AQP6: variants seen among roughly 807,000 people sequenced by gnomAD.
AQP6 encodes the protein aquaporin 6.
A neutral mutation model predicts 16.3 loss-of-function variants in AQP6; 14 were observed. The ratio of observed to expected loss-of-function variants is 0.86; its 90% confidence interval spans 0.57 to 1.34. The LOEUF (loss-of-function observed/expected upper bound fraction) is 1.34, where lower values mean the gene tolerates loss of function less well. Among genes scored for constraint, AQP6 ranks in the 40% most tolerant of loss-of-function variants. The pLI is 0.00. For synonymous variants in AQP6, 178 were observed against 166.8 expected (o/e 1.07, Z -0.52); for missense variants, 331 against 379.7 (o/e 0.87, Z 1.07).
chr12:49,974,652 C>A, intron 2 of AQP6, 94 bp from the exon 3 acceptor site: 1 of 1,509,928 alleles, frequency 6.6e-7, no homozygotes. Flanking sequence ...GAGGCCGTGG[C>A]TGGGGCTAAG....
At position 49,974,729 on chromosome 12, in the gene AQP6, C is replaced by A; in HGVS notation, c.562-17C>A. The A allele has an allele frequency of 1.2e-6, 2 of 1,613,946 alleles. No individual in the cohort carries two copies. The highest frequency in any genetic ancestry group is 2.2e-5 in the South Asian group (2 of 91,082). ...CCTTAAACCTTCTCCCACCCTGACC[C>A]TGCACTTGCTCCCCAGATCCACTTC... is the stretch of plus-strand genomic sequence containing the variant. On this transcript the variant is annotated splice_polypyrimidine_tract_variant and intron_variant, in intron 2 of 3. Transcript: ENST00000315520.
chr12:49,974,354 G>A lies in AQP6; in HGVS notation c.433G>A (p.Val145Met), dbSNP rs1296287089. 6.2e-7 allele frequency: 1 copy of A among 1,600,472 alleles called. No individual in the cohort carries two copies. Among genetic ancestry groups the A allele is most frequent in the Non-Finnish European group, 8.5e-7 (1 of 1,171,228 alleles). Residue 145 changes from valine to methionine, a missense_variant, in exon 2 of 4, where the codon GTG (valine) becomes ATG (methionine). Transcript: ENST00000315520. The stretch of plus-strand genomic sequence containing the variant: ...GAACAGTGTCTCAACTGGCCAGGCG[G>A]TGGCAGTGGAGCTGCTTCTGACCCT... Reference protein sequence around the residue: ...VRNSVSTGQAVAVELLLTLQL... With the variant: ...VRNSVSTGQAMAVELLLTLQL...
Position 49,975,040 on chromosome 12 carries a change from G to A in AQP6, c.642+214G>A. ...CTGCAGCCTTGGCCCAGACTTTTAA[G>A]TCCTGGCTGTTTCCTTATTCACTTT... On this transcript the variant is annotated intron_variant, in intron 3 of 3. Transcript: ENST00000315520. The surrounding 1 kb of genome is among the most constrained non-coding windows in gnomAD (Gnocchi z 4.4). 7.2e-7 allele frequency: 1 copy of A among 1,382,810 alleles called. No individual in the cohort carries two copies. The highest frequency in any genetic ancestry group is 1.7e-5 in the South Asian group (1 of 57,258). 85.7% of individuals were successfully genotyped at this position (1,382,810 alleles called of 1,614,324 possible). A position where few individuals can be genotyped will look rare whatever the true frequency, so the allele number is the denominator to read the frequency against.
At chr12:49,974,565 T>C in intron 2 of AQP6, 83 bp downstream of exon 2, 2 of 1,486,216 alleles carry the variant, frequency 1.3e-6, no homozygotes, top group South Asian at 1.3e-5. Flanking sequence ...GGCCAGGCAG[T>C]GTCCCTCCCT....
In AQP6 at chr12:49,973,008, C is replaced by T. The variant is rs1410406094; in HGVS notation, c.-166C>T. The T allele has an allele frequency of 2.1e-6, 2 of 953,632 alleles. No individual in the cohort carries two copies. Among genetic ancestry groups the T allele is most frequent in the Non-Finnish European group, 3.0e-6 (2 of 659,510 alleles). 59.1% of individuals were successfully genotyped at this position (953,632 alleles called of 1,614,324 possible). On this transcript the variant is annotated 5_prime_UTR_variant, in exon 1 of 4. Coordinates refer to ENST00000315520, the MANE Select transcript of AQP6 (RefSeq NM_001652.4). ...AGTCTGACCAGCACAGTCCTGGGGA[C>T]AGGAGCGTGGTGGAGGAGCTGCAGG...
chr12:49,974,065 T>C, intron 1 of AQP6: 1 of 1,232,278 alleles, frequency 8.1e-7, no homozygotes, highest in Non-Finnish European at 1.0e-6. Flanking sequence ...GCTGCCAGTC[T>C]CCTCTCAAGC....
In AQP6 at chr12:49,975,322, C is replaced by G; in HGVS notation, c.643-143C>G. 1 of 1,444,496 alleles carries G rather than the reference C, an allele frequency of 6.9e-7. No individual in the cohort carries two copies. Among genetic ancestry groups the G allele is most frequent in the Non-Finnish European group, 9.0e-7 (1 of 1,106,550 alleles). The allele number at this position is 1,444,496 out of a possible 1,614,324, so 89.5% of individuals were successfully genotyped here. A position where few individuals can be genotyped will look rare whatever the true frequency, so the allele number is the denominator to read the frequency against. On this transcript the variant is annotated intron_variant, in intron 3 of 3. Transcript: ENST00000315520. The surrounding 1 kb of genome is among the most constrained non-coding windows in gnomAD (Gnocchi z 4.4). The stretch of plus-strand genomic sequence containing the variant: ...CCTTGTGGGCTTGGGAAACACGACT[C>G]GTGGTTCTCAAATTTAGCACCTTAC...
Position 49,975,423 on chromosome 12 carries a change from C to T in AQP6, c.643-42C>T. The T allele has an allele frequency of 6.5e-7, 1 of 1,547,532 alleles. No homozygotes were observed. Among genetic ancestry groups the T allele is most frequent in the Non-Finnish European group, 8.7e-7 (1 of 1,152,232 alleles). ...AGCGGTCCCAGAGCCACCCTGTGGT[C>T]CTGATAGCTCCTGGGTGGGGTGACG... On this transcript the variant is annotated intron_variant, in intron 3 of 3. Transcript: ENST00000315520. This position sits in a 1 kb window ranked among gnomAD's most constrained non-coding sequence, Gnocchi z 4.4.
chr12:49,974,278 C>T lies in AQP6; in HGVS notation c.403-46C>T, dbSNP rs370359325. Reference sequence around the variant, plus strand: ...AGTGGCAGGGGTTTCTCTGTCTGTCCGTGGGCAGAGCCCGCGTCTGGTCCA... The same window carrying T: ...AGTGGCAGGGGTTTCTCTGTCTGTCTGTGGGCAGAGCCCGCGTCTGGTCCA... On this transcript the variant is annotated intron_variant, in intron 1 of 3. Transcript: ENST00000315520. 126 of 1,483,068 alleles carry T rather than the reference C, an allele frequency of 8.5e-5. No individual in the cohort carries two copies. In the South Asian group the frequency reaches 1.2e-3, roughly 14 times the overall value. 91.9% of individuals were successfully genotyped at this position (1,483,068 alleles called of 1,614,324 possible). A position where few individuals can be genotyped will look rare whatever the true frequency, so the allele number is the denominator to read the frequency against.
intron 1 of AQP6, 95 bp downstream of exon 1, chr12:49,973,670 G>C: frequency 7.0e-7 from 1 of 1,437,544 alleles, no homozygotes; most frequent in African/African-American, 1.4e-5. Flanking sequence ...GAGCAAAGGA[G>C]GAAACAAGTC....
In AQP6 at chr12:49,974,430, G is replaced by T; in HGVS notation, c.509G>T (p.Gly170Val). Residue 170 changes from glycine (G) to valine (V), a missense_variant, in exon 2 of 4, where the codon GGC (glycine) becomes GTC (valine). Transcript: ENST00000315520. ...TCCACCGACAGCCGTCAGACATCAGGCTCCCCGGCCACCATGATTGGGATC... is the reference window on the plus strand; with the variant it reads ...TCCACCGACAGCCGTCAGACATCAGTCTCCCCGGCCACCATGATTGGGATC... ...FASTDSRQTSGSPATMIGISV... is the reference protein window; with the variant it reads ...FASTDSRQTSVSPATMIGISV... 1.2e-6 allele frequency: 2 copies of T among 1,613,584 alleles called. No individual in the cohort carries two copies. Among genetic ancestry groups the T allele is most frequent in the Non-Finnish European group, 8.5e-7 (1 of 1,179,706 alleles).
intron 1 of AQP6, chr12:49,973,911 C>T: frequency 2.5e-6 from 3 of 1,195,164 alleles, no homozygotes; most frequent in East Asian, 7.6e-5. Flanking sequence ...CTTCATTTTT[C>T]TCCCAGGCTC....
rs772251291 is a variant in AQP6 at position 49,975,652 on chromosome 12, T to C, written c.830T>C (p.Val277Ala). Residue 277 changes from valine to alanine, a missense_variant, in exon 4 of 4, where the codon GTG becomes GCG. Val to Ala is a moderately conservative substitution (Grantham distance 64). Coordinates refer to ENST00000315520, the MANE Select transcript of AQP6 (RefSeq NM_001652.4). The surrounding 1 kb of genome is among the most constrained non-coding windows in gnomAD (Gnocchi z 4.4). ...KKESQPGSGA[V>A]EMESV is the part of the protein sequence containing the mutation. ...GAATCCCAGCCGGGTTCGGGAGCCGTGGAGATGGAGAGTGTGTGAAACAGC... is the reference window on the plus strand; with the variant it reads ...GAATCCCAGCCGGGTTCGGGAGCCGCGGAGATGGAGAGTGTGTGAAACAGC... 5.7e-6 allele frequency: 9 copies of C among 1,578,020 alleles called. No homozygotes were observed. Among genetic ancestry groups the C allele is most frequent in the African/African-American group, 5.5e-5 (4 of 72,954 alleles).
Position 49,973,233 on chromosome 12 carries a change from G to T in AQP6, c.60G>T (p.Trp20Cys). Residue 20 changes from tryptophan to cysteine, a missense_variant, in exon 1 of 4, where the codon TGG becomes TGT. Trp to Cys is a radical substitution (Grantham distance 215). Transcript: ENST00000315520. ...GWASMLACRL[W>C]KAISRALFAE... ...CCAGCATGTTGGCGTGCAGGCTTTG[G>T]AAAGCCATCAGCAGGGCGCTGTTTG... is the stretch of plus-strand genomic sequence containing the variant. 6.2e-7 allele frequency: 1 copy of T among 1,613,940 alleles called. No homozygotes were observed. The highest frequency in any genetic ancestry group is 8.5e-7 in the Non-Finnish European group (1 of 1,179,964).
At position 49,976,860 on chromosome 12, in the gene AQP6, GC is replaced by G. The variant is rs1947578478; in HGVS notation, c.*1192del. 2 of 664,688 alleles carry G rather than the reference GC, an allele frequency of 3.0e-6. No individual in the cohort carries two copies. Among genetic ancestry groups the G allele is most frequent in the Non-Finnish European group, 5.4e-6 (2 of 368,592 alleles). 41.2% of individuals were successfully genotyped at this position (664,688 alleles called of 1,614,324 possible). ...GGATCCCCAGAAAGCTGTTGAATAA[GC>G]CCTAAGGGTGGTAGGAACCCAGGAG... On this transcript the variant is annotated 3_prime_UTR_variant, in exon 4 of 4. Coordinates refer to ENST00000315520, the MANE Select transcript of AQP6 (RefSeq NM_001652.4).
chr12:49,974,561 G>T (rs141425617), intron 2 of AQP6, 79 bp downstream of exon 2: 5 of 1,499,088 alleles, frequency 3.3e-6, no homozygotes, highest in East Asian at 2.3e-5. Context: ...TGAAGGCCAG[G>T]CAGTGTCCCT....
At chr12:49,974,096 C>G in intron 1 of AQP6, 1 of 1,249,496 alleles carries the variant, frequency 8.0e-7, no homozygotes, top group Non-Finnish European at 1.0e-6. Flanking sequence ...AACCACTGGC[C>G]CCAACCAACC....
At chr12:49,974,636 A>G in intron 2 of AQP6, 110 bp from the exon 3 acceptor site, 1 of 1,460,208 alleles carries the variant, frequency 6.8e-7, no homozygotes, top group Non-Finnish European at 9.4e-7. Flanking sequence ...AGGATATGGC[A>G]CTACAGAGGC....
chr12:49,974,622 G>C, intron 2 of AQP6, 124 bp from the exon 3 acceptor site: 1 of 1,431,578 alleles, frequency 7.0e-7, no homozygotes, highest in Non-Finnish European at 9.5e-7. Context: ...TGCACTCTAG[G>C]CCCAGGATAT....
Sources: allele counts gnomAD v4.1 joint callset, GRCh38; gene constraint gnomAD v4.1.1; non-coding constraint Gnocchi (gnomAD v3.1); transcripts MANE v1.5; gene names NCBI Gene and HGNC (gene_info 2026-07-23, HGNC 2026-07-21).